ASAP1: variants seen among roughly 807,000 people sequenced by gnomAD.
ASAP1 encodes the protein arf-GAP with SH3 domain, ANK repeat and PH domain-containing protein 1.
ASAP1 carries 43 observed loss-of-function variants against 145.2 expected under a neutral mutation model. The observed-to-expected ratio is 0.30, with a 90% CI of 0.23 to 0.38. ASAP1 has a LOEUF of 0.38. Among genes scored for constraint, ASAP1 ranks in the 10% least tolerant of loss-of-function variants. The pLI is 1.00. For synonymous variants in ASAP1, 546 were observed against 515.5 expected, an observed-to-expected ratio of 1.06 and a Z score of -0.80; for missense variants, 1,018 against 1,355.3, an observed-to-expected ratio of 0.75 and a Z score of 3.91.
chr8:130,296,432 C>A (rs1586776553), intron 3 of ASAP1, among the ~76,000 whole-genome samples: 1 of 152,072 alleles, frequency 6.6e-6, no homozygotes, highest in Admixed American at 6.5e-5. Context: ...CATGCTTACT[C>A]CAGGGCAAAA....
At chr8:130,111,210 CAAAA>C (rs768575084) in intron 24 of ASAP1, among the ~76,000 whole-genome samples, 6 of 41,698 alleles carry the variant, frequency 1.4e-4, no homozygotes, top group African/African-American at 6.2e-4. Context: ...TCATCTCTAC[CAAAA>C]AAAAAAAAAA....
intron 3 of ASAP1, among the ~76,000 whole-genome samples, chr8:130,238,586 CTTA>C (rs1367901650): frequency 3.3e-5 from 5 of 152,076 alleles, no homozygotes; most frequent in African/African-American, 4.8e-5. Context: ...AGGTATAAAA[CTTA>C]TTATATTTAT....
intron 24 of ASAP1, among the ~76,000 whole-genome samples, chr8:130,096,840 T>A (rs190873828): frequency 4.7e-4 from 71 of 152,000 alleles, no homozygotes; most frequent in Non-Finnish European, 8.5e-4. Context: ...GAAAAAGTCC[T>A]TGAGGCCGGG....
At chr8:130,297,630 A>C (rs1822368118) in intron 3 of ASAP1, among the ~76,000 whole-genome samples, 1 of 152,206 alleles carries the variant, frequency 6.6e-6, no homozygotes, top group Admixed American at 6.5e-5. Flanking sequence ...AGAACCTCTC[A>C]GAGTCCTACT....
At chr8:130,072,824 T>TGTGTGTGTGTGCACGCGCGCGC in intron 27 of ASAP1, among the ~76,000 whole-genome samples, 6 of 32,282 alleles carry the variant, frequency 1.9e-4, no homozygotes, top group Admixed American at 3.6e-4. Flanking sequence ...TGTGTGTGTG[T>TGTGTGTGTGTGCACGCGCGCGC]GCGCGCGGGG....
intron 3 of ASAP1, among the ~76,000 whole-genome samples, chr8:130,333,909 C>T (rs1484261686): frequency 6.6e-6 from 1 of 152,202 alleles, no homozygotes; most frequent in African/African-American, 2.4e-5. Context: ...CCCGTGAAGC[C>T]TCATGGGTGT....
At chr8:130,091,947 T>C (rs200431164) in intron 25 of ASAP1, 26 bp downstream of exon 25, 47 of 1,504,356 alleles carry the variant, frequency 3.1e-5, no homozygotes, top group African/African-American at 5.8e-5. Flanking sequence ...CCCAGCAGCT[T>C]TGGCCCTGAC....
intron 13 of ASAP1, among the ~76,000 whole-genome samples, chr8:130,148,028 A>G (rs1283771950): frequency 6.6e-6 from 1 of 152,232 alleles, no homozygotes; most frequent in Non-Finnish European, 1.5e-5. Context: ...ATAAATTCTT[A>G]GAACACTTGC....
chr8:130,185,743 A>G lies in ASAP1; in HGVS notation c.530+1493T>C, dbSNP rs1224454736. Among the ~76,000 whole-genome samples the G allele has an allele frequency of 8.6e-5, 13 of 150,966 alleles. No homozygotes were observed. In the East Asian group the frequency reaches 1.2e-3, roughly 14 times the overall value. ...AAACTCCGCCTCAAAAAAAAAAAAA[A>G]AAAAAGAAAAAGAAAAAGAAAAAAA... On this transcript the variant is annotated intron_variant, in intron 7 of 29. Transcript: ENST00000518721.
intron 2 of ASAP1, among the ~76,000 whole-genome samples, chr8:130,371,351 C>G (rs577057411): frequency 2.6e-4 from 39 of 152,324 alleles, no homozygotes; most frequent in African/African-American, 6.7e-4. Flanking sequence ...TTGCACTAAA[C>G]CGCACTCTCT....
intron 13 of ASAP1, among the ~76,000 whole-genome samples, chr8:130,140,031 CTT>C (rs2097606306): frequency 7.0e-6 from 1 of 142,796 alleles, no homozygotes; most frequent in Non-Finnish European, 1.5e-5. Context: ...TTTCTTTCTC[CTT>C]TTTGTTTTTT....
intron 2 of ASAP1, among the ~76,000 whole-genome samples, chr8:130,388,946 G>A (rs1229174697): frequency 6.6e-6 from 1 of 152,152 alleles, no homozygotes; most frequent in Non-Finnish European, 1.5e-5. Flanking sequence ...CAGCAATGTG[G>A]CCTTAAATAA....
At position 130,060,861 on chromosome 8, in the gene ASAP1, G is replaced by T; in HGVS notation, c.2910C>A (p.Asp970Glu). ...CTGAGAGTTGGGGTTTGGGTGGCAG[G>T]TCCCCCAGCTGTGGTTTGGGGGGCA... The part of the protein sequence containing the change: ...GELPPKPQLG[D>E]LPPKPQLSDL... Residue 970 changes from aspartate (D) to glutamate (E), a missense_variant, in exon 28 of 30, where the codon GAC (aspartate) becomes GAA (glutamate). By Grantham distance (45) the Asp-to-Glu change is conservative. Transcript: ENST00000518721. 6.2e-7 allele frequency: 1 copy of T among 1,613,988 alleles called. No homozygotes were observed. Among genetic ancestry groups the T allele is most frequent in the Non-Finnish European group, 8.5e-7 (1 of 1,179,996 alleles).
rs2097588532 is a variant in ASAP1 at position 130,134,053 on chromosome 8, A to G, written c.1217+243T>C. Among the ~76,000 whole-genome samples, 3 of 152,230 alleles carry G rather than the reference A, an allele frequency of 2.0e-5. No homozygotes were observed. The South Asian group carries it at 6.2e-4, about 32-fold the overall frequency. ...GGCCGCGGGCAAGGAGTAGTGAGCT[A>G]TAACCCCAGAGAGGGTGAGGCTTGA... On this transcript the variant is annotated intron_variant, in intron 15 of 29. Coordinates refer to ENST00000518721, the MANE Select transcript of ASAP1 (RefSeq NM_018482.4).
At chr8:130,058,210 G>T (rs2097408708) in intron 28 of ASAP1, 134 bp from the exon 29 acceptor site, 2 of 947,296 alleles carry the variant, frequency 2.1e-6, no homozygotes, top group Non-Finnish European at 3.2e-6. Flanking sequence ...CCCTTGAAGG[G>T]CGGGAAGAAG....
rs199815534 is a variant in ASAP1 at position 130,174,189 on chromosome 8, A to T, written c.746+5075T>A. ...CTTACTATACGTGGTAACCTTGGGC[A>T]GTTATTCACCCTGTCTGAATAACAG... On this transcript the variant is annotated intron_variant, in intron 9 of 29. Coordinates refer to ENST00000518721, the MANE Select transcript of ASAP1 (RefSeq NM_018482.4). 2.0e-5 allele frequency among the ~76,000 whole-genome samples: 3 copies of T among 151,454 alleles called. No homozygotes were observed. The East Asian group carries it at 5.8e-4, about 30-fold the overall frequency.
chr8:130,217,205 G>C (rs577687504), intron 4 of ASAP1, among the ~76,000 whole-genome samples: 1 of 152,206 alleles, frequency 6.6e-6, no homozygotes, highest in South Asian at 2.1e-4. Context: ...CTGTTGTGGC[G>C]CACAGAGAAG....
At chr8:130,205,912 C>G (rs1445678757) in intron 5 of ASAP1, among the ~76,000 whole-genome samples, 1 of 152,018 alleles carries the variant, frequency 6.6e-6, no homozygotes, top group African/African-American at 2.4e-5. Flanking sequence ...ATACCTATAC[C>G]TGCAGATATC....
rs2097462840 is a variant in ASAP1 at position 130,076,550 on chromosome 8, C to T, written c.2643-144G>A. ...ATTTCCTTTTTTTTTGAGATGGAGT[C>T]TCCCTCTGTTGCCCAGGCTGGAGTG... On this transcript the variant is annotated intron_variant, in intron 26 of 29. Coordinates refer to ENST00000518721, the MANE Select transcript of ASAP1 (RefSeq NM_018482.4). 3 of 633,716 alleles carry T rather than the reference C, an allele frequency of 4.7e-6. No individual in the cohort carries two copies. In the South Asian group the frequency reaches 6.0e-5, roughly 13 times the overall value. The allele number at this position is 633,716 out of a possible 1,614,324, so 39.3% of individuals were successfully genotyped here.
Sources: gnomAD v4.1 joint callset for allele counts (sites outside exome capture counted in the v4.1 genomes callset) on GRCh38, gnomAD v4.1.1 for gene constraint, MANE v1.5 for transcripts, NCBI Gene and HGNC (gene_info 2026-07-23, HGNC 2026-07-21) for gene names.